DNAAF1: variants seen among roughly 807,000 people sequenced by gnomAD.
DNAAF1 encodes the protein dynein assembly factor 1, axonemal.
Under a neutral mutation model 71.1 loss-of-function variants are expected in DNAAF1, and 65 were observed. That is an observed-to-expected ratio of 0.91 (90% CI 0.75 to 1.12). DNAAF1 has a LOEUF of 1.12. Among genes scored for constraint, DNAAF1 ranks in the 50% most tolerant of loss-of-function variants. DNAAF1 has a pLI of 0.00. For synonymous variants in DNAAF1, 414 were observed against 354.6 expected (o/e 1.17, Z -1.88); for missense variants, 1,178 against 899.8 (o/e 1.31, Z -3.96).
At chr16:84,161,605 A>T (rs189937956) in intron 6 of DNAAF1, among the ~76,000 whole-genome samples, 5 of 151,234 alleles carry the variant, frequency 3.3e-5, no homozygotes, top group Non-Finnish European at 5.9e-5. Flanking sequence ...GCCTCAAGTG[A>T]TCCTCCTGCG....
intron 1 of DNAAF1, among the ~76,000 whole-genome samples, chr16:84,146,709 C>T (rs985529774): frequency 7.3e-5 from 11 of 151,592 alleles, no homozygotes; most frequent in African/African-American, 2.7e-4. Flanking sequence ...CACACCACTG[C>T]ACCCCAGCCT....
At position 84,170,353 on chromosome 16, in the gene DNAAF1, G is replaced by T. The variant is rs1295920871; in HGVS notation, c.1525G>T (p.Glu509Ter). The T allele has an allele frequency of 1.2e-6, 2 of 1,613,772 alleles. No homozygotes were observed. Among genetic ancestry groups the T allele is most frequent in the Admixed American group, 1.7e-5 (1 of 60,026 alleles). ...ACCACCGCCCCTGGGAGCTGCCAGGGAAGGTAATGTGAGCGGAGAAACACA... is the reference window on the plus strand; with the variant it reads ...ACCACCGCCCCTGGGAGCTGCCAGGTAAGGTAATGTGAGCGGAGAAACACA... ...PPPPPLGAAR[E>*]EPTPQAVATE... The change falls in exon 8 of 12, where the codon GAA (glutamate) becomes TAA (stop). Residue 509 changes from glutamate to a stop codon, truncating the protein, a stop_gained. Coordinates refer to ENST00000378553, the MANE Select transcript of DNAAF1 (RefSeq NM_178452.6). LOFTEE classifies it high-confidence loss of function.
At chr16:84,163,668 C>T (rs187586441) in intron 6 of DNAAF1, among the ~76,000 whole-genome samples, 17 of 152,090 alleles carry the variant, frequency 1.1e-4, no homozygotes, top group South Asian at 4.2e-4. Context: ...TGTGAGCCAC[C>T]GCACCCAGCC....
intron 5 of DNAAF1, among the ~76,000 whole-genome samples, chr16:84,158,074 A>G (rs1187582345): frequency 2.6e-5 from 4 of 152,008 alleles, no homozygotes; most frequent in Non-Finnish European, 5.9e-5. Context: ...GCGTGGTGGC[A>G]TGCACCTGTA....
rs201284197 is a variant in DNAAF1, at chr16:84,159,280, T to C, written c.742-395T>C. The C allele has an allele frequency of 5.2e-4, 565 of 1,092,326 alleles. 13 individuals carry two copies. In the East Asian group the frequency reaches 0.032, roughly 62 times the overall value. The allele number at this position is 1,092,326 out of a possible 1,614,324, so 67.7% of individuals were successfully genotyped here. On this transcript the variant is annotated intron_variant, in intron 5 of 11. Coordinates refer to ENST00000378553, the MANE Select transcript of DNAAF1 (RefSeq NM_178452.6). ...CTCTGTCTAGCGGCTGTGTGCGTTTTGGTAAAATGGATCCTGGCTGGGAAG... is the reference window on the plus strand; with the variant it reads ...CTCTGTCTAGCGGCTGTGTGCGTTTCGGTAAAATGGATCCTGGCTGGGAAG...
At chr16:84,164,429 C>T (rs2087867382) in intron 6 of DNAAF1, among the ~76,000 whole-genome samples, 1 of 152,186 alleles carries the variant, frequency 6.6e-6, no homozygotes, top group Non-Finnish European at 1.5e-5. Context: ...CCTCCTACCT[C>T]CTCAGCCCCA....
At position 84,145,519 on chromosome 16, in the gene DNAAF1, T is replaced by G. The variant is rs1283796770; in HGVS notation, c.79T>G (p.Ser27Ala). ...CGCGCAGGAGCCCGGCGTGGAGGAG[T>G]CTGCGGGTGACCACGGGAGCGCAGG... ...DCAQEPGVEE[S>A]AGDHGSAGRG... is the part of the protein sequence containing the mutation. Residue 27 changes from serine to alanine, a missense_variant, in exon 1 of 12, where the codon TCT becomes GCT. Coordinates refer to ENST00000378553, the MANE Select transcript of DNAAF1 (RefSeq NM_178452.6). The G allele has an allele frequency of 3.2e-6, 5 of 1,557,032 alleles. No individual in the cohort carries two copies. The African/African-American group carries it at 6.8e-5, about 21-fold the overall frequency.
chr16:84,168,738 A>G (rs1325984071), intron 7 of DNAAF1, among the ~76,000 whole-genome samples: 1 of 152,106 alleles, frequency 6.6e-6, no homozygotes, highest in African/African-American at 2.4e-5. Context: ...TTTTCAGAAA[A>G]GCTGAAAGAA....
intron 3 of DNAAF1, among the ~76,000 whole-genome samples, chr16:84,152,473 T>C (rs2087230744): frequency 6.6e-6 from 1 of 151,470 alleles, no homozygotes; most frequent in South Asian, 2.1e-4. Flanking sequence ...TGAAACCCCA[T>C]CTCTACTAAA....
intron 7 of DNAAF1, among the ~76,000 whole-genome samples, chr16:84,168,557 C>T (rs943418551): frequency 5.3e-5 from 8 of 152,064 alleles, no homozygotes; most frequent in Non-Finnish European, 1.0e-4. Flanking sequence ...GGATTACAGA[C>T]GTGAGCCACT....
intron 7 of DNAAF1, among the ~76,000 whole-genome samples, chr16:84,166,531 G>A (rs971008503): frequency 6.6e-6 from 1 of 151,678 alleles, no homozygotes. Context: ...ACCATGCTTA[G>A]CTAATTAAAA....
chr16:84,160,446 A>G (rs1271047942), intron 6 of DNAAF1, among the ~76,000 whole-genome samples: 2 of 152,308 alleles, frequency 1.3e-5, no homozygotes, highest in East Asian at 3.9e-4. Flanking sequence ...TTTTTAACTT[A>G]CTTTTAAATT....
chr16:84,171,109 A>C (rs2088315266), intron 8 of DNAAF1, among the ~76,000 whole-genome samples: 1 of 152,178 alleles, frequency 6.6e-6, no homozygotes, highest in Non-Finnish European at 1.5e-5. Context: ...TGGAGGGATC[A>C]GAGCACAGGA....
At position 84,172,263 on chromosome 16, in the gene DNAAF1, C is replaced by G. The variant is rs144393177; in HGVS notation, c.1532C>G (p.Pro511Arg). ...PPPLGAAREEPTPQAVATEGV... is the reference protein window; with the variant it reads ...PPPLGAAREERTPQAVATEGV... ...AAGACTTGTTGTTGCTCTTTAGAAC[C>G]GACTCCCCAGGCTGTGGCCACTGAG... Residue 511 changes from proline to arginine, a missense_variant, in exon 9 of 12, where the codon CCG becomes CGG. Physicochemically the swap from Pro to Arg is moderately radical, Grantham distance 103. Transcript: ENST00000378553. The G allele has an allele frequency of 1.9e-6, 3 of 1,613,736 alleles. No individual in the cohort carries two copies. Among genetic ancestry groups the G allele is most frequent in the Non-Finnish European group, 2.5e-6 (3 of 1,179,960 alleles).
At chr16:84,162,982 T>C (rs2087787182) in intron 6 of DNAAF1, among the ~76,000 whole-genome samples, 1 of 152,224 alleles carries the variant, frequency 6.6e-6, no homozygotes. Context: ...CCTGTGTTTC[T>C]TTCACTCAGC....
rs567469742 is a variant in DNAAF1, at chr16:84,160,129, C to G, written c.863+333C>G. On this transcript the variant is annotated intron_variant, in intron 6 of 11. Transcript: ENST00000378553. Reference sequence around the variant, plus strand: ...CTTACAAATATTTTCTAGTTGTTTTCTAGAGAGTTTGTACCAATTTACAAC... The same window carrying G: ...CTTACAAATATTTTCTAGTTGTTTTGTAGAGAGTTTGTACCAATTTACAAC... Among the ~76,000 whole-genome samples, 7 of 152,268 alleles carry G rather than the reference C, an allele frequency of 4.6e-5. 1 individual carries two copies. The South Asian group carries it at 8.3e-4, about 18-fold the overall frequency.
At position 84,177,731 on chromosome 16, in the gene DNAAF1, C is replaced by T. The variant is rs758518665; in HGVS notation, c.2068C>T (p.Pro690Ser). ...ACAGGTCACCCTTCCTTCCACAGTG[C>T]CGACTGAGAGCGCCGCCACACCCCC... ...SDFLAASSPV[P>S]TESAATPPET... is the part of the protein sequence containing the mutation. Residue 690 changes from proline to serine, a missense_variant and splice_region_variant, in exon 12 of 12, where the codon CCG (proline) becomes TCG (serine). Pro to Ser is a moderately conservative substitution (Grantham distance 74). Transcript: ENST00000378553. The T allele has an allele frequency of 6.2e-7, 1 of 1,613,470 alleles. No homozygotes were observed. Among genetic ancestry groups the T allele is most frequent in the South Asian group, 1.1e-5 (1 of 91,076 alleles).
At position 84,149,195 on chromosome 16, in the gene DNAAF1, G is replaced by A. The variant is rs1014232323; in HGVS notation, c.260+53G>A. On this transcript the variant is annotated intron_variant, in intron 2 of 11. Transcript: ENST00000378553. Reference sequence around the variant, plus strand: ...ACATTTATGGAGTAAGGTAGATGGCGTAATCACCCCCTTGTACGGATAATG... The same window carrying A: ...ACATTTATGGAGTAAGGTAGATGGCATAATCACCCCCTTGTACGGATAATG... 24 of 1,602,828 alleles carry A rather than the reference G, an allele frequency of 1.5e-5. No homozygotes were observed. In the African/African-American group the frequency reaches 2.0e-4, roughly 13 times the overall value.
rs548904471 is a variant in DNAAF1, at chr16:84,164,309, T to G, written c.864-1474T>G. ...ATTTCTTTAGGGCTCACACTTGGTGTTGCACACTGTATGGGTTCGGACAAA... is the reference window on the plus strand; with the variant it reads ...ATTTCTTTAGGGCTCACACTTGGTGGTGCACACTGTATGGGTTCGGACAAA... On this transcript the variant is annotated intron_variant, in intron 6 of 11. Transcript: ENST00000378553. 2.0e-5 allele frequency among the ~76,000 whole-genome samples: 3 copies of G among 152,326 alleles called. No homozygotes were observed. In the East Asian group the frequency reaches 5.8e-4, roughly 29 times the overall value.
Sources: allele counts gnomAD v4.1 joint callset (sites outside exome capture counted in the v4.1 genomes callset), GRCh38; gene constraint gnomAD v4.1.1; transcripts MANE v1.5; gene names NCBI Gene and HGNC (gene_info 2026-07-23, HGNC 2026-07-21).